NOS1AP: variants seen among roughly 807,000 people sequenced by gnomAD.
The protein encoded by NOS1AP is carboxyl-terminal PDZ ligand of neuronal nitric oxide synthase protein.
NOS1AP carries 21 observed loss-of-function variants against 56.2 expected under a neutral mutation model. The observed-to-expected ratio is 0.37, with a 90% CI of 0.26 to 0.54. NOS1AP has a LOEUF of 0.54. Ranked by LOEUF, NOS1AP falls within the 20% of genes least tolerant of loss-of-function variation. NOS1AP has a pLI of 0.84. For synonymous variants in NOS1AP, 270 were observed against 274.6 expected (o/e 0.98, Z 0.17); for missense variants, 522 against 657.8 (o/e 0.79, Z 2.26).
chr1:162,301,625 A>G (rs2101754769), intron 4 of NOS1AP, among the ~76,000 whole-genome samples: 1 of 152,322 alleles, frequency 6.6e-6, no homozygotes, highest in South Asian at 2.1e-4. Context: ...TAGCAAGAAC[A>G]TATAGAAAGC....
chr1:162,342,937 G>A (rs1266552990), intron 5 of NOS1AP, among the ~76,000 whole-genome samples: 1 of 152,214 alleles, frequency 6.6e-6, no homozygotes, highest in Non-Finnish European at 1.5e-5. Flanking sequence ...AGTGTGCTGA[G>A]CCCTTCCCAG....
intron 2 of NOS1AP, among the ~76,000 whole-genome samples, chr1:162,215,989 G>C (rs1205043102): frequency 6.6e-6 from 1 of 152,178 alleles, no homozygotes; most frequent in Non-Finnish European, 1.5e-5. Flanking sequence ...TGTCTGTCCA[G>C]CTTCCGTGTG....
chr1:162,207,377 G>T (rs1249088313), intron 2 of NOS1AP, among the ~76,000 whole-genome samples: 4 of 152,354 alleles, frequency 2.6e-5, no homozygotes. Flanking sequence ...AGAGCCCTGA[G>T]GGGTGGGGCA....
At position 162,158,138 on chromosome 1, in the gene NOS1AP, A is replaced by G. The variant is rs956191625; in HGVS notation, c.177+3662A>G. Among the ~76,000 whole-genome samples, 22 of 152,296 alleles carry G rather than the reference A, an allele frequency of 1.4e-4. 1 individual carries two copies. Among genetic ancestry groups the G allele is most frequent in the African/African-American group, 5.3e-4 (22 of 41,560 alleles). On this transcript the variant is annotated intron_variant, in intron 2 of 9. Transcript: ENST00000361897. ...CTTGCAAAATGGACACTCTATACCC[A>G]TTAAACACAATTCCCCTTCCCCCTC...
intron 2 of NOS1AP, among the ~76,000 whole-genome samples, chr1:162,213,142 C>T (rs12065934): frequency 0.13 from 19,656 of 152,106 alleles, 1,431 homozygotes; most frequent in South Asian, 0.2. Context: ...TTAGGGAGTC[C>T]CAGGTAACTT....
intron 6 of NOS1AP, among the ~76,000 whole-genome samples, chr1:162,348,874 C>T (rs1045109193): frequency 5.3e-5 from 8 of 152,210 alleles, no homozygotes; most frequent in Non-Finnish European, 1.0e-4. Flanking sequence ...CCAGGTAGGT[C>T]GGCCTTTGCT....
intron 2 of NOS1AP, among the ~76,000 whole-genome samples, chr1:162,161,067 C>G (rs1650191395): frequency 6.6e-6 from 1 of 152,178 alleles, no homozygotes; most frequent in African/African-American, 2.4e-5. Flanking sequence ...GTCTTCACAT[C>G]TCTTTCTCTG....
chr1:162,225,993 C>T (rs1652928416), intron 2 of NOS1AP, among the ~76,000 whole-genome samples: 1 of 152,186 alleles, frequency 6.6e-6, no homozygotes, highest in Non-Finnish European at 1.5e-5. Flanking sequence ...TTGTATTCAA[C>T]ATTCAAGGAA....
At chr1:162,282,308 G>A (rs1030378081) in intron 2 of NOS1AP, among the ~76,000 whole-genome samples, 2 of 152,112 alleles carry the variant, frequency 1.3e-5, no homozygotes, top group African/African-American at 4.8e-5. Flanking sequence ...CAACCCTAGG[G>A]ACTTCATATA....
chr1:162,219,439 A>G (rs1002650405), intron 2 of NOS1AP, among the ~76,000 whole-genome samples: 1 of 152,044 alleles, frequency 6.6e-6, no homozygotes, highest in Non-Finnish European at 1.5e-5. Flanking sequence ...AACAGCTATC[A>G]TGTATTACCT....
At chr1:162,272,227 C>T (rs1393765719) in intron 2 of NOS1AP, among the ~76,000 whole-genome samples, 2 of 152,170 alleles carry the variant, frequency 1.3e-5, no homozygotes, top group African/African-American at 4.8e-5. Context: ...CAGTTTCCTC[C>T]TGAAGTTCCC....
intron 2 of NOS1AP, among the ~76,000 whole-genome samples, chr1:162,199,273 G>A (rs981638644): frequency 6.6e-6 from 1 of 152,188 alleles, no homozygotes; most frequent in Admixed American, 6.5e-5. Flanking sequence ...TCCTTAAAGA[G>A]TGGGGAAAAG....
chr1:162,155,281 C>T (rs35475833), intron 2 of NOS1AP, among the ~76,000 whole-genome samples: 140,260 of 142,204 alleles, frequency 0.99, 69,195 homozygotes, highest in South Asian at 1. Context: ...TACATATACA[C>T]ATATATACAT....
At chr1:162,297,435 C>T (rs1447974108) in intron 3 of NOS1AP, among the ~76,000 whole-genome samples, 3 of 152,170 alleles carry the variant, frequency 2.0e-5, no homozygotes, top group South Asian at 2.1e-4. Context: ...CAGTGGTTAA[C>T]GGGACCGTGG....
rs991281690 is a variant in NOS1AP, at chr1:162,070,477, C to A, written c.105+195C>A. On this transcript the variant is annotated intron_variant, in intron 1 of 9. Transcript: ENST00000361897. Reference sequence around the variant, plus strand: ...CCTGCCCAGAACTGCTCAAGAGCAACTGCAAAGTTTGAGCGGTATTGCCTC... The same window carrying A: ...CCTGCCCAGAACTGCTCAAGAGCAAATGCAAAGTTTGAGCGGTATTGCCTC... Among the ~76,000 whole-genome samples the A allele has an allele frequency of 9.8e-5, 15 of 152,346 alleles. No homozygotes were observed. In the East Asian group the frequency reaches 2.9e-3, roughly 29 times the overall value.
intron 2 of NOS1AP, among the ~76,000 whole-genome samples, chr1:162,271,756 CAG>C (rs76991961): frequency 0.12 from 17,514 of 152,208 alleles, 1,233 homozygotes; most frequent in East Asian, 0.3. Context: ...GATTAAACAA[CAG>C]ACATTTGTTT....
At chr1:162,293,773 T>A (rs1655348731) in intron 3 of NOS1AP, among the ~76,000 whole-genome samples, 1 of 152,208 alleles carries the variant, frequency 6.6e-6, no homozygotes, top group South Asian at 2.1e-4. Context: ...GGACTGCAGG[T>A]AGAAGAGTTG....
intron 9 of NOS1AP, among the ~76,000 whole-genome samples, chr1:162,366,132 G>A (rs1658077814): frequency 6.6e-6 from 1 of 152,184 alleles, no homozygotes; most frequent in East Asian, 1.9e-4. Flanking sequence ...TTGAGAAGCT[G>A]TCTCTACACT....
At chr1:162,289,406 TCCTG>T (rs1655209874) in intron 3 of NOS1AP, among the ~76,000 whole-genome samples, 1 of 149,928 alleles carries the variant, frequency 6.7e-6, no homozygotes, top group Admixed American at 6.6e-5. Context: ...CAACTGATTC[TCCTG>T]CCTCAGCCTC....
Sources: allele counts gnomAD v4.1 joint callset (sites outside exome capture counted in the v4.1 genomes callset), GRCh38; gene constraint gnomAD v4.1.1; transcripts MANE v1.5; gene names NCBI Gene and HGNC (gene_info 2026-07-23, HGNC 2026-07-21).